The following ANK1 variants were observed in gnomAD, a reference collection of about 807,000 sequenced individuals.
ANK1 encodes the protein ankyrin-1.
In ANK1, 51 loss-of-function variants were observed where a neutral mutation model predicts 210.4. The observed-to-expected ratio is 0.24, with a 90% CI of 0.19 to 0.31. The LOEUF is 0.31. Among genes scored for constraint, ANK1 ranks in the 10% least tolerant of loss-of-function variants. The pLI, the probability that ANK1 is intolerant of heterozygous loss-of-function variation, is 1.00. For missense variants in ANK1, 2,051 were observed against 2,504.4 expected, an observed-to-expected ratio of 0.82 and a Z score of 3.86; for synonymous variants, 967 against 1,025.9, an observed-to-expected ratio of 0.94 and a Z score of 1.10.
chr8:41,717,220 CA>C (rs1326910155), intron 12 of ANK1, among the ~76,000 whole-genome samples, 169 bp from the exon 13 acceptor site: 1 of 152,070 alleles, frequency 6.6e-6, no homozygotes, highest in Non-Finnish European at 1.5e-5. Context: ...TGTGCATGAG[CA>C]TGTATGTGTG....
At chr8:41,660,728 C>T (rs535050030) in intron 42 of ANK1, among the ~76,000 whole-genome samples, 3 of 152,320 alleles carry the variant, frequency 2.0e-5, no homozygotes, top group South Asian at 4.1e-4. Flanking sequence ...GAAAGCACGT[C>T]GTCCACCCCT....
rs763403444 is a variant in ANK1, at chr8:41,727,983, G to T, written c.252C>A (p.Ile84=). ...TTKKGNTALH[I]AALAGQDEVV... ...CCTCATCCTGCCCGGCTAGAGCAGCGATGTGCAGGGCCGTGTTCCCCTTCT... is the reference window on the plus strand; with the variant it reads ...CCTCATCCTGCCCGGCTAGAGCAGCTATGTGCAGGGCCGTGTTCCCCTTCT... The change falls in exon 4 of 43, where the codon ATC becomes ATA. Residue 84 remains isoleucine (I), a synonymous_variant. Transcript: ENST00000289734. 3.1e-6 allele frequency: 5 copies of T among 1,614,114 alleles called. No homozygotes were observed. Among genetic ancestry groups the T allele is most frequent in the Non-Finnish European group, 4.2e-6 (5 of 1,180,024 alleles).
intron 1 of ANK1, among the ~76,000 whole-genome samples, chr8:41,788,052 TG>T (rs1265770776): frequency 3.3e-5 from 5 of 152,220 alleles, no homozygotes; most frequent in African/African-American, 1.2e-4. Context: ...TCAATCGGAT[TG>T]GCGTTGACAC....
At position 41,822,354 on chromosome 8, in the gene ANK1, G is replaced by A. The variant is rs531415661; in HGVS notation, c.127-64217C>T. Among the ~76,000 whole-genome samples the A allele has an allele frequency of 2.0e-5, 3 of 152,306 alleles. No homozygotes were observed. In the East Asian group the frequency reaches 5.8e-4, roughly 29 times the overall value. Reference sequence around the variant, plus strand: ...ATAGCTTTGCACTGGAAGACAGCACGCTTGTGTGCTGATGGCTGATTGGGA... The same window carrying A: ...ATAGCTTTGCACTGGAAGACAGCACACTTGTGTGCTGATGGCTGATTGGGA... On this transcript the variant is annotated intron_variant, in intron 1 of 42. Coordinates refer to the ANK1 transcript ENST00000265709.
intron 40 of ANK1, among the ~76,000 whole-genome samples, 177 bp from the exon 41 acceptor site, chr8:41,662,118 G>A (rs189239606): frequency 7.2e-4 from 110 of 152,310 alleles, no homozygotes; most frequent in Non-Finnish European, 1.3e-3. Flanking sequence ...TTAGCCCGGT[G>A]TGGTGGCAGG....
At position 41,680,009 on chromosome 8, in the gene ANK1, G is replaced by T. The variant is rs182497834; in HGVS notation, c.4537+4535C>A. Among the ~76,000 whole-genome samples, 121 of 152,152 alleles carry T rather than the reference G, an allele frequency of 8.0e-4. No individual in the cohort carries two copies. The Middle Eastern group carries it at 0.02, about 26-fold the overall frequency. ...ATATAGTGTGTCCATTTTTTGGTCT[G>T]CAGTAGTTTCAAGCAGGAGGGTATA... is the stretch of plus-strand genomic sequence containing the variant. On this transcript the variant is annotated intron_variant, in intron 37 of 42. Coordinates refer to ENST00000289734, the MANE Select transcript of ANK1 (RefSeq NM_000037.4).
At chr8:41,689,623 C>T (rs1302299031) in intron 33 of ANK1, among the ~76,000 whole-genome samples, 1 of 152,052 alleles carries the variant, frequency 6.6e-6, no homozygotes, top group East Asian at 1.9e-4. Flanking sequence ...ACGTATGATC[C>T]CTCCAAAGTC....
chr8:41,763,233 A>G (rs1423859403), intron 1 of ANK1, among the ~76,000 whole-genome samples: 2 of 140,952 alleles, frequency 1.4e-5, no homozygotes, highest in East Asian at 4.2e-4. Flanking sequence ...AAAAAAATTT[A>G]TGACAGACAA....
intron 1 of ANK1, among the ~76,000 whole-genome samples, chr8:41,847,866 TC>T (rs2150809305): frequency 6.6e-6 from 1 of 152,308 alleles, no homozygotes; most frequent in East Asian, 1.9e-4. Context: ...TTTATCATTT[TC>T]TTTAAAAAAT....
intron 1 of ANK1, among the ~76,000 whole-genome samples, chr8:41,819,381 G>C (rs1043129551): frequency 6.6e-6 from 1 of 152,216 alleles, no homozygotes; most frequent in Non-Finnish European, 1.5e-5. Flanking sequence ...TAACTTGCAG[G>C]TTTAGAAAGT....
intron 1 of ANK1, chr8:41,896,219 C>T: frequency 7.8e-7 from 1 of 1,277,142 alleles, no homozygotes; most frequent in Non-Finnish European, 1.0e-6. Context: ...CCCACCGAGC[C>T]TTCCCCGCTC....
chr8:41,803,881 G>A (rs940122930), intron 1 of ANK1, among the ~76,000 whole-genome samples: 4 of 151,894 alleles, frequency 2.6e-5, no homozygotes, highest in Non-Finnish European at 2.9e-5. Context: ...CTTCTTGGTC[G>A]TAATGAATTA....
At chr8:41,803,969 T>C (rs1350608307) in intron 1 of ANK1, among the ~76,000 whole-genome samples, 1 of 152,192 alleles carries the variant, frequency 6.6e-6, no homozygotes, top group Non-Finnish European at 1.5e-5. Context: ...ATAAGTTATA[T>C]TGGTTATTTT....
chr8:41,748,838 A>C (rs1268785148), intron 2 of ANK1, among the ~76,000 whole-genome samples: 4 of 152,178 alleles, frequency 2.6e-5, no homozygotes, highest in African/African-American at 4.8e-5. Flanking sequence ...GATCAAGACC[A>C]TCCCAGCTAA....
At chr8:41,896,326 G>C (rs764469550) in intron 1 of ANK1, 2 of 1,580,376 alleles carry the variant, frequency 1.3e-6, no homozygotes, top group Non-Finnish European at 1.7e-6. Flanking sequence ...TGCCGCGGTC[G>C]CTGGGCTTTC....
intron 5 of ANK1, among the ~76,000 whole-genome samples, chr8:41,726,679 G>T (rs562680665): frequency 3.3e-5 from 5 of 152,166 alleles, no homozygotes; most frequent in Non-Finnish European, 7.3e-5. Flanking sequence ...GAGCCACTGC[G>T]CTTGGCCATG....
At chr8:41,682,774 C>T (rs1240054980) in intron 37 of ANK1, among the ~76,000 whole-genome samples, 2 of 152,200 alleles carry the variant, frequency 1.3e-5, no homozygotes, top group African/African-American at 4.8e-5. Context: ...AATCAGGGCA[C>T]AGGAAATCAA....
chr8:41,811,963 T>C (rs571028821), intron 1 of ANK1, among the ~76,000 whole-genome samples: 3 of 152,188 alleles, frequency 2.0e-5, no homozygotes, highest in Non-Finnish European at 2.9e-5. Flanking sequence ...TATTTAATGA[T>C]CCAGCTCCCT....
At chr8:41,778,808 G>T (rs746062785) in intron 1 of ANK1, among the ~76,000 whole-genome samples, 3 of 152,186 alleles carry the variant, frequency 2.0e-5, no homozygotes, top group African/African-American at 4.8e-5. Flanking sequence ...GATTTATTCA[G>T]TCATTTAAAA....
Sources: gnomAD v4.1 joint callset for allele counts (sites outside exome capture counted in the v4.1 genomes callset) on GRCh38, gnomAD v4.1.1 for gene constraint, MANE v1.5 for transcripts, NCBI Gene and HGNC (gene_info 2026-07-23, HGNC 2026-07-21) for gene names.